DNAJC1: variants seen among roughly 807,000 people sequenced by gnomAD.
The protein encoded by DNAJC1 is DnaJ heat shock protein family (Hsp40) member C1.
A neutral mutation model predicts 76.6 loss-of-function variants in DNAJC1; 58 were observed. The ratio of observed to expected loss-of-function variants is 0.76; its 90% CI spans 0.61 to 0.94. The LOEUF is 0.94. DNAJC1 is among the 40% of genes least tolerant of loss of function. DNAJC1 has a pLI of 0.00. For missense variants in DNAJC1, 689 were observed against 677.3 expected (o/e 1.02, Z -0.19); for synonymous variants, 258 against 267.9 (o/e 0.96, Z 0.36).
At chr10:22,001,880 T>C (rs987082168) in intron 1 of DNAJC1, among the ~76,000 whole-genome samples, 1 of 152,252 alleles carries the variant, frequency 6.6e-6, no homozygotes, top group Admixed American at 6.5e-5. Flanking sequence ...CTCCATCATT[T>C]GCTTTGAAAA....
intron 7 of DNAJC1, among the ~76,000 whole-genome samples, chr10:21,898,319 TATG>T (rs1836579413): frequency 6.6e-6 from 1 of 152,196 alleles, no homozygotes; most frequent in Admixed American, 6.5e-5. Context: ...TGTACCACAT[TATG>T]ATATTTTAGT....
At chr10:21,955,672 T>C (rs1349929603) in intron 1 of DNAJC1, among the ~76,000 whole-genome samples, 2 of 152,182 alleles carry the variant, frequency 1.3e-5, no homozygotes, top group Non-Finnish European at 2.9e-5. Context: ...ACTTAAAATC[T>C]ATCGTATTTT....
At chr10:21,973,718 T>C (rs1288469623) in intron 1 of DNAJC1, among the ~76,000 whole-genome samples, 9 of 146,908 alleles carry the variant, frequency 6.1e-5, no homozygotes, top group Admixed American at 5.5e-4. Flanking sequence ...TAAGGCTGCA[T>C]AGTTTTATGC....
At chr10:21,873,650 C>T (rs901652732) in intron 8 of DNAJC1, among the ~76,000 whole-genome samples, 31 of 152,124 alleles carry the variant, frequency 2.0e-4, no homozygotes, top group Admixed American at 6.5e-4. Context: ...TAACACTGGA[C>T]AGTAACTCAA....
chr10:21,797,639 A>G (rs1589984292), intron 9 of DNAJC1, among the ~76,000 whole-genome samples: 1 of 152,236 alleles, frequency 6.6e-6, no homozygotes, highest in Non-Finnish European at 1.5e-5. Flanking sequence ...CTCTGTCCTC[A>G]TGAATGGGTT....
chr10:22,003,602 G>A lies in DNAJC1; in HGVS notation c.-168C>T. On this transcript the variant is annotated 5_prime_UTR_variant, in exon 1 of 12. Transcript: ENST00000376980. ...GCCCCAGACAGAGCGCGGAGGCGGC[G>A]GGAGCCGGCTGCCGGACGGGCGGGT... 2 of 819,410 alleles carry A rather than the reference G, an allele frequency of 2.4e-6. No individual in the cohort carries two copies. Among genetic ancestry groups the A allele is most frequent in the Non-Finnish European group, 1.6e-6 (1 of 609,728 alleles). 50.8% of individuals were successfully genotyped at this position (819,410 alleles called of 1,614,324 possible).
At chr10:21,928,581 A>G in intron 2 of DNAJC1, 29 bp from the exon 3 acceptor site, 1 of 1,567,330 alleles carries the variant, frequency 6.4e-7, no homozygotes, top group Non-Finnish European at 8.8e-7. Flanking sequence ...TTTAAAATAA[A>G]AATACTCTCA....
At chr10:21,803,635 G>T (rs1315949646) in intron 9 of DNAJC1, among the ~76,000 whole-genome samples, 1 of 151,148 alleles carries the variant, frequency 6.6e-6, no homozygotes, top group Non-Finnish European at 1.5e-5. Flanking sequence ...ATGTATGTGT[G>T]TGTGTGTGTG....
chr10:21,842,382 G>A lies in DNAJC1; in HGVS notation c.979-36283C>T, dbSNP rs76520438. On this transcript the variant is annotated intron_variant, in intron 8 of 11. Coordinates refer to ENST00000376980, the MANE Select transcript of DNAJC1 (RefSeq NM_022365.4). ...ATGGTAGCACTGAGGGATTTCCAAG[G>A]AAGAGATGAAAACACAGAGAGGTAG... 2.0e-3 allele frequency among the ~76,000 whole-genome samples: 306 copies of A among 152,262 alleles called. 2 individuals carry two copies. Among genetic ancestry groups the A allele is most frequent in the Non-Finnish European group, 3.6e-3 (247 of 68,008 alleles).
At chr10:21,912,023 T>C (rs939517849) in intron 6 of DNAJC1, among the ~76,000 whole-genome samples, 2 of 152,180 alleles carry the variant, frequency 1.3e-5, no homozygotes, top group Non-Finnish European at 2.9e-5. Flanking sequence ...CTCCTTATGA[T>C]GGGCTTATCA....
intron 1 of DNAJC1, 93 bp from the exon 2 acceptor site, chr10:21,929,234 C>T: frequency 6.2e-6 from 5 of 804,234 alleles, no homozygotes; most frequent in Admixed American, 2.7e-5. Flanking sequence ...AGACAGCCAA[C>T]CAAGTGCAGG....
chr10:21,989,381 AAAC>A (rs1838296347), intron 1 of DNAJC1, among the ~76,000 whole-genome samples: 1 of 152,226 alleles, frequency 6.6e-6, no homozygotes, highest in Non-Finnish European at 1.5e-5. Context: ...CCATGATCAA[AAAC>A]TTGTTAAGCA....
chr10:21,834,136 C>G (rs1293411182), intron 8 of DNAJC1, among the ~76,000 whole-genome samples: 1 of 151,992 alleles, frequency 6.6e-6, no homozygotes, highest in Non-Finnish European at 1.5e-5. Context: ...CGGTGGCGGG[C>G]GCCTGTAGTC....
chr10:21,994,490 T>C (rs895203394), intron 1 of DNAJC1, among the ~76,000 whole-genome samples: 3 of 152,142 alleles, frequency 2.0e-5, no homozygotes, highest in African/African-American at 7.2e-5. Context: ...ACTAAAATGC[T>C]TTAAACATAA....
At chr10:21,829,783 T>C (rs1446090113) in intron 8 of DNAJC1, among the ~76,000 whole-genome samples, 1 of 152,246 alleles carries the variant, frequency 6.6e-6, no homozygotes, top group Non-Finnish European at 1.5e-5. Flanking sequence ...CCTATTTTCA[T>C]TTATTGTGAT....
intron 1 of DNAJC1, among the ~76,000 whole-genome samples, chr10:21,936,201 C>A (rs1239233116): frequency 6.6e-6 from 1 of 152,060 alleles, no homozygotes; most frequent in African/African-American, 2.4e-5. Flanking sequence ...CCCTTCAGCC[C>A]TGGGAGGACA....
At chr10:21,852,076 AT>A (rs1835765396) in intron 8 of DNAJC1, among the ~76,000 whole-genome samples, 1 of 133,170 alleles carries the variant, frequency 7.5e-6, no homozygotes, top group African/African-American at 2.8e-5. Flanking sequence ...AATAAAAAAA[AT>A]AAAAAATTGT....
At chr10:21,811,941 T>C (rs1023470698) in intron 8 of DNAJC1, among the ~76,000 whole-genome samples, 4 of 152,238 alleles carry the variant, frequency 2.6e-5, no homozygotes, top group African/African-American at 9.6e-5. Flanking sequence ...ATGAGCATTC[T>C]TGTTGTTCCA....
At chr10:21,769,457 A>G (rs1421756775) in intron 9 of DNAJC1, among the ~76,000 whole-genome samples, 1 of 152,222 alleles carries the variant, frequency 6.6e-6, no homozygotes, top group East Asian at 1.9e-4. Context: ...TCCAAGTTAA[A>G]CAGTTAGTGA....
Sources: allele counts gnomAD v4.1 joint callset (sites outside exome capture counted in the v4.1 genomes callset), GRCh38; gene constraint gnomAD v4.1.1; transcripts MANE v1.5; gene names NCBI Gene and HGNC (gene_info 2026-07-23, HGNC 2026-07-21).